The following NFIB variants were observed in gnomAD, a reference collection of about 807,000 sequenced individuals.
The protein encoded by NFIB is nuclear factor 1 B-type.
In NFIB, 11 loss-of-function variants were observed where a neutral mutation model predicts 61.5. That is an observed-to-expected ratio of 0.18 (90% CI 0.11 to 0.30). NFIB has a LOEUF of 0.30. Among genes scored for constraint, NFIB ranks in the 10% least tolerant of loss-of-function variants. The probability of loss-of-function intolerance (pLI) is 1.00; values close to 1 mark genes in which losing one functional copy is unlikely to be tolerated. For synonymous variants in NFIB, 260 were observed against 216.5 expected, an observed-to-expected ratio of 1.20 and a Z score of -1.76; for missense variants, 471 against 608.9, an observed-to-expected ratio of 0.77 and a Z score of 2.38.
chr9:14,284,093 C>A (rs953577764), intron 2 of NFIB, among the ~76,000 whole-genome samples: 1 of 152,134 alleles, frequency 6.6e-6, no homozygotes, highest in Admixed American at 6.5e-5. Flanking sequence ...TCTGACTCTG[C>A]CTCTTACTAG....
At chr9:14,300,250 G>A (rs1416955440) in intron 2 of NFIB, 1 of 398,358 alleles carries the variant, frequency 2.5e-6, no homozygotes, top group Non-Finnish European at 4.4e-6. Flanking sequence ...GCTTGGCACT[G>A]GGGCATGCAG....
At chr9:14,327,591 G>A (rs1357504125) in intron 1 of NFIB, among the ~76,000 whole-genome samples, 2 of 152,112 alleles carry the variant, frequency 1.3e-5, no homozygotes, top group African/African-American at 4.8e-5. Context: ...ATTCTGTTGT[G>A]CTAATATTTT....
chr9:14,296,694 G>C (rs944238308), intron 2 of NFIB, among the ~76,000 whole-genome samples: 4 of 152,214 alleles, frequency 2.6e-5, no homozygotes, highest in Non-Finnish European at 5.9e-5. Flanking sequence ...CTGGCACTCT[G>C]CTCCTGGGCT....
At chr9:14,502,959 G>C in the NFIB span, among the ~76,000 whole-genome samples, 1 of 151,958 alleles carries the variant, frequency 6.6e-6, no homozygotes, top group Admixed American at 6.6e-5. Context: ...CCACTTATGA[G>C]TGCAAACATA....
chr9:14,511,414 T>A, the NFIB span, among the ~76,000 whole-genome samples: 1 of 152,168 alleles, frequency 6.6e-6, no homozygotes, highest in Non-Finnish European at 1.5e-5. Flanking sequence ...TTTTAATTTT[T>A]ATGTAATCAA....
chr9:14,381,906 C>A lies in NFIB; in HGVS notation c.108+16618G>T, dbSNP rs138178284. Among the ~76,000 whole-genome samples the A allele has an allele frequency of 4.0e-3, 602 of 152,356 alleles. 11 individuals are homozygous for A. Among genetic ancestry groups the A allele is most frequent in the Middle Eastern group, 0.017 (5 of 294 alleles). ...CGTTTTGAGTGCTCCTAATTCAAGT[C>A]CCTTACAGAGGGCAACTAAGAGAGT... On this transcript the variant is annotated intron_variant, in intron 1 of 8. Transcript: ENST00000380934.
At chr9:14,433,415 G>A in the NFIB span, among the ~76,000 whole-genome samples, 5 of 152,092 alleles carry the variant, frequency 3.3e-5, no homozygotes, top group Non-Finnish European at 5.9e-5. Flanking sequence ...CAATGATGCA[G>A]GAAAGTTAAA....
chr9:14,153,480 C>G (rs775704535), intron 4 of NFIB, among the ~76,000 whole-genome samples: 1 of 151,972 alleles, frequency 6.6e-6, no homozygotes. Flanking sequence ...AAGAGGATGC[C>G]GATATCCTCT....
At chr9:14,248,321 C>CCTTCCTTT (rs1388806141) in intron 2 of NFIB, among the ~76,000 whole-genome samples, 1 of 150,206 alleles carries the variant, frequency 6.7e-6, no homozygotes, top group Non-Finnish European at 1.5e-5. Context: ...CCCCTCCCTT[C>CCTTCCTTT]CTTCCTTTCT....
the NFIB span, among the ~76,000 whole-genome samples, chr9:14,477,382 T>C: frequency 6.6e-6 from 1 of 152,222 alleles, no homozygotes; most frequent in Non-Finnish European, 1.5e-5. Context: ...TATAAGTGAA[T>C]GTATATCTAA....
At chr9:14,531,288 G>A in the NFIB span, among the ~76,000 whole-genome samples, 5 of 152,142 alleles carry the variant, frequency 3.3e-5, no homozygotes, top group African/African-American at 1.2e-4. Context: ...AAATATAAGA[G>A]GGGAAAAACA....
In NFIB at chr9:14,083,084, C is replaced by A. The variant is rs1387107397; in HGVS notation, c.*5225G>T. The A allele has an allele frequency of 1.7e-5, 2 of 118,968 alleles. No homozygotes were observed. The highest frequency in any genetic ancestry group is 1.6e-4 in the Admixed American group (1 of 6,404). 7.4% of individuals were successfully genotyped at this position (118,968 alleles called of 1,614,324 possible). A position where few individuals can be genotyped will look rare whatever the true frequency, so the allele number is the denominator to read the frequency against. ...TATTTCTAGAGTATTAACTAGTGAA[C>A]CCTTTTATTATTAAAAAAAAAAAAA... On this transcript the variant is annotated 3_prime_UTR_variant, in exon 11 of 11. Coordinates refer to ENST00000380953, the MANE Select transcript of NFIB (RefSeq NM_001190737.2).
chr9:14,451,697 C>T, the NFIB span, among the ~76,000 whole-genome samples: 9 of 152,172 alleles, frequency 5.9e-5, no homozygotes, highest in Non-Finnish European at 1.5e-5. Flanking sequence ...ACTTCAGTAA[C>T]TTAAGAGGGC....
the NFIB span, among the ~76,000 whole-genome samples, chr9:14,441,413 A>G: frequency 2.0e-5 from 3 of 152,074 alleles, no homozygotes; most frequent in Admixed American, 6.5e-5. Flanking sequence ...TTCTTTTCTC[A>G]TTATTTGTGT....
chr9:14,342,779 A>C (rs2060967539), intron 1 of NFIB, among the ~76,000 whole-genome samples: 1 of 151,986 alleles, frequency 6.6e-6, no homozygotes, highest in Non-Finnish European at 1.5e-5. Flanking sequence ...CCATATACAC[A>C]TGTGTATATG....
intron 1 of NFIB, among the ~76,000 whole-genome samples, chr9:14,379,505 G>A (rs2061458332): frequency 1.3e-5 from 2 of 152,056 alleles, no homozygotes; most frequent in African/African-American, 2.4e-5. Flanking sequence ...CTATTTTAAC[G>A]AAAATAAGAA....
intron 2 of NFIB, among the ~76,000 whole-genome samples, chr9:14,253,631 GAC>G (rs1256260881): frequency 5.5e-4 from 84 of 152,152 alleles, no homozygotes; most frequent in African/African-American, 1.9e-3. Context: ...AGGAGTTAGG[GAC>G]CACTCTGGGC....
intron 1 of NFIB, chr9:14,361,938 C>A (rs936696586): frequency 1.3e-5 from 2 of 152,138 alleles, no homozygotes; most frequent in African/African-American, 2.4e-5. Flanking sequence ...AGAAGCCCAG[C>A]AAGTTTGCTT....
the NFIB span, among the ~76,000 whole-genome samples, chr9:14,503,572 GATA>G: frequency 2.7e-4 from 41 of 152,286 alleles, no homozygotes; most frequent in Non-Finnish European, 5.0e-4. Context: ...GCATTTCCCT[GATA>G]ATTAGTGATG....
Sources: gnomAD v4.1 joint callset for allele counts (sites outside exome capture counted in the v4.1 genomes callset) on GRCh38, gnomAD v4.1.1 for gene constraint, MANE v1.5 for transcripts, NCBI Gene and HGNC (gene_info 2026-07-23, HGNC 2026-07-21) for gene names.